ZNF564: variants seen among roughly 807,000 people sequenced by gnomAD.
ZNF564 encodes the protein zinc finger protein 564.
ZNF564 carries 5 observed loss-of-function variants against 10.5 expected under a neutral mutation model. The observed-to-expected ratio is 0.48, with a 90% CI of 0.25 to 1.00. The LOEUF (loss-of-function observed/expected upper bound fraction) is 1.00, where lower values mean the gene tolerates loss of function less well. Among genes scored for constraint, ZNF564 ranks in the 50% least tolerant of loss-of-function variants. The probability of loss-of-function intolerance (pLI) is 0.16; values close to 1 mark genes in which losing one functional copy is unlikely to be tolerated. For missense variants in ZNF564, 603 were observed against 669.7 expected, an observed-to-expected ratio of 0.90 and a Z score of 1.10; for synonymous variants, 242 against 218.1, an observed-to-expected ratio of 1.11 and a Z score of -0.97.
intron 1 of ZNF564, among the ~76,000 whole-genome samples, chr19:12,549,836 T>C (rs1170551573): frequency 6.6e-6 from 1 of 152,008 alleles, no homozygotes; most frequent in African/African-American, 2.4e-5. Flanking sequence ...AAGTGGCAGC[T>C]GTGGGTATCC....
At chr19:12,530,722 T>C (rs562084225) in intron 1 of ZNF564, among the ~76,000 whole-genome samples, 1 of 152,294 alleles carries the variant, frequency 6.6e-6, no homozygotes, top group East Asian at 1.9e-4. Flanking sequence ...TATGTGATAC[T>C]ACATTGTGTA....
At chr19:12,531,169 G>A (rs1249876306) in intron 1 of ZNF564, among the ~76,000 whole-genome samples, 1 of 152,148 alleles carries the variant, frequency 6.6e-6, no homozygotes, top group Admixed American at 6.6e-5. Flanking sequence ...TTCTCCAAAT[G>A]TAGCAGGAAT....
At chr19:12,548,722 C>A (rs2022198943) in intron 1 of ZNF564, 1 of 692,996 alleles carries the variant, frequency 1.4e-6, no homozygotes, top group Admixed American at 2.1e-5. Flanking sequence ...ATTATTGTTA[C>A]TTCCATGACA....
intron 1 of ZNF564, among the ~76,000 whole-genome samples, chr19:12,544,486 T>C (rs1332709470): frequency 6.6e-6 from 1 of 152,198 alleles, no homozygotes; most frequent in Non-Finnish European, 1.5e-5. Context: ...TCACCCTTAA[T>C]ACAGTTTCCA....
chr19:12,528,769 A>G (rs2021742215), intron 1 of ZNF564, 73 bp from the exon 2 acceptor site: 5 of 1,505,940 alleles, frequency 3.3e-6, no homozygotes, highest in Non-Finnish European at 2.7e-6. Flanking sequence ...CCAATTCATA[A>G]AAGTTCACAA....
intron 1 of ZNF564, among the ~76,000 whole-genome samples, chr19:12,533,408 C>T (rs1191891528): frequency 1.3e-5 from 2 of 152,130 alleles, no homozygotes; most frequent in African/African-American, 4.8e-5. Flanking sequence ...CAGGAAAGAA[C>T]AAGGGTTTAT....
At chr19:12,547,462 C>T (rs879865024) in intron 1 of ZNF564, among the ~76,000 whole-genome samples, 3 of 152,096 alleles carry the variant, frequency 2.0e-5, no homozygotes, top group Non-Finnish European at 2.9e-5. Context: ...TACCTAACTC[C>T]GGATTTCTTG....
In ZNF564 at chr19:12,542,308, C is replaced by CAA. The variant is rs35733202; in HGVS notation, c.3+9020_3+9021dup. On this transcript the variant is annotated intron_variant, in intron 1 of 3. Transcript: ENST00000339282. ...TGGGTAACAGAGTGAGACTCTGTCTCAAAAAAAAAAAAAAAAAAAAAAAGG... is the reference window on the plus strand; with the variant it reads ...TGGGTAACAGAGTGAGACTCTGTCTCAAAAAAAAAAAAAAAAAAAAAAAAAGG... 5.2e-3 allele frequency among the ~76,000 whole-genome samples: 329 copies of CAA among 62,690 alleles called. 1 individual carries two copies. The highest frequency in any genetic ancestry group is 0.01 in the East Asian group (14 of 1,356). The allele number at this position is 62,690 out of a possible 152,430, so 41.1% of individuals were successfully genotyped here.
At chr19:12,548,378 G>A (rs957745059) in intron 1 of ZNF564, among the ~76,000 whole-genome samples, 8 of 152,048 alleles carry the variant, frequency 5.3e-5, no homozygotes, top group East Asian at 3.9e-4. Flanking sequence ...CGCCACACCC[G>A]GCTAATTTTT....
Position 12,527,303 on chromosome 19 carries a change from G to A in ZNF564, c.805C>T (p.Arg269Ter), listed in dbSNP as rs757891327. 17 of 1,613,574 alleles carry A rather than the reference G, an allele frequency of 1.1e-5. No individual in the cohort carries two copies. The highest frequency in any genetic ancestry group is 2.2e-5 in the East Asian group (1 of 44,838). The change falls in exon 4 of 4, where the codon CGA becomes TGA. Residue 269 changes from arginine (R) to a stop codon, truncating the protein, a stop_gained. Transcript: ENST00000339282. LOFTEE classifies it low-confidence loss of function (END_TRUNC). ...CCAGTATGAGTTCTTTCATGTATTC[G>A]AAATAAACTGGGGCGGTCAAAGGCT... is the stretch of plus-strand genomic sequence containing the variant. ...GKAFDRPSLFRIHERTHTGEK... is the reference protein window; with the variant it reads ...GKAFDRPSLF
At position 12,526,968 on chromosome 19, in the gene ZNF564, G is replaced by C. The variant is rs1277342641; in HGVS notation, c.1140C>G (p.Val380=). ...CGKAFISLPS[V]RRHMIKHTGD... is the part of the protein sequence containing the mutation. ...CAGTGTGCTTTATCATGTGTCTTCG[G>C]ACACTTGGGAGAGAAATGAAGGCTT... The change falls in exon 4 of 4, where the codon GTC becomes GTG. Residue 380 remains valine, a synonymous_variant. Transcript: ENST00000339282. 1 of 1,609,470 alleles carries C rather than the reference G, an allele frequency of 6.2e-7. No individual in the cohort carries two copies.
At chr19:12,549,955 G>A (rs190064777) in intron 1 of ZNF564, among the ~76,000 whole-genome samples, 23 of 152,326 alleles carry the variant, frequency 1.5e-4, no homozygotes, top group African/African-American at 5.1e-4. Context: ...ATTCTGATTA[G>A]GCGTCGGGGC....
chr19:12,529,618 T>C (rs886459556), intron 1 of ZNF564: 1 of 113,894 alleles, frequency 8.8e-6, no homozygotes, highest in Non-Finnish European at 2.0e-5. Flanking sequence ...AAAAAAAAAA[T>C]TTAAGATCAT....
chr19:12,527,767 T>G lies in ZNF564; in HGVS notation c.341A>C (p.His114Pro), dbSNP rs777235614. Reference protein sequence around the residue: ...ECSLCGKVFMHHSSLSRHIRS... With the variant: ...ECSLCGKVFMPHSSLSRHIRS... The stretch of plus-strand genomic sequence containing the variant: ...GATGTGCCTACTAAGGGATGAATGA[T>G]GCATGAAGACTTTCCCACACAAACT... The change falls in exon 4 of 4, where the codon CAT becomes CCT. Residue 114 changes from histidine to proline, a missense_variant. Coordinates refer to ENST00000339282, the MANE Select transcript of ZNF564 (RefSeq NM_144976.4). 6.2e-7 allele frequency: 1 copy of G among 1,614,088 alleles called. No homozygotes were observed. The highest frequency in any genetic ancestry group is 8.5e-7 in the Non-Finnish European group (1 of 1,180,028).
intron 1 of ZNF564, among the ~76,000 whole-genome samples, chr19:12,532,197 T>C (rs912926447): frequency 3.3e-5 from 5 of 151,916 alleles, no homozygotes; most frequent in South Asian, 4.1e-4. Context: ...CACTCCAGCC[T>C]GGGGAACAGC....
chr19:12,532,396 G>A (rs931811207), intron 1 of ZNF564, among the ~76,000 whole-genome samples: 21 of 150,622 alleles, frequency 1.4e-4, no homozygotes, highest in East Asian at 9.7e-4. Flanking sequence ...TTAGCCGGGC[G>A]TGGTAGCAGG....
chr19:12,528,009 G>T, intron 3 of ZNF564, 93 bp from the exon 4 acceptor site: 1 of 1,399,678 alleles, frequency 7.1e-7, no homozygotes. Context: ...CGCGGAAAGG[G>T]TAAGTTTTCA....
chr19:12,547,535 T>C (rs1160728292), intron 1 of ZNF564, among the ~76,000 whole-genome samples: 3 of 152,184 alleles, frequency 2.0e-5, no homozygotes, highest in African/African-American at 7.2e-5. Context: ...ACTGTTATTA[T>C]CTGAACAATT....
chr19:12,545,262 C>CA (rs534783270), intron 1 of ZNF564, among the ~76,000 whole-genome samples: 4,428 of 57,152 alleles, frequency 0.077, 171 homozygotes, highest in African/African-American at 0.13. Flanking sequence ...AATTCCGTCT[C>CA]AAAAAAAAAA....
Sources: gnomAD v4.1 joint callset for allele counts (sites outside exome capture counted in the v4.1 genomes callset) on GRCh38, gnomAD v4.1.1 for gene constraint, MANE v1.5 for transcripts, NCBI Gene and HGNC (gene_info 2026-07-23, HGNC 2026-07-21) for gene names.